MINDY2: variants seen among roughly 807,000 people sequenced by gnomAD.
MINDY2 encodes ubiquitin carboxyl-terminal hydrolase MINDY-2.
In MINDY2, 52 loss-of-function variants were observed where a neutral mutation model predicts 68.2. The observed-to-expected ratio is 0.76, with a 90% CI of 0.61 to 0.96. MINDY2 has a LOEUF of 0.96. MINDY2 is among the 40% of genes least tolerant of loss of function. The pLI is 0.00. For missense variants in MINDY2, 881 were observed against 773.4 expected, an observed-to-expected ratio of 1.14 and a Z score of -1.65; for synonymous variants, 372 against 303.0, an observed-to-expected ratio of 1.23 and a Z score of -2.36.
chr15:58,802,246 T>C, intron 2 of MINDY2, 67 bp from the exon 3 acceptor site: 1 of 1,024,690 alleles, frequency 9.8e-7, no homozygotes, highest in Non-Finnish European at 1.5e-6. Context: ...TTAAGATCTA[T>C]TACTTTTGTA....
At chr15:58,797,654 C>T (rs1468464507) in intron 2 of MINDY2, among the ~76,000 whole-genome samples, 1 of 152,186 alleles carries the variant, frequency 6.6e-6, no homozygotes, top group East Asian at 1.9e-4. Context: ...GCTGCCACTC[C>T]ATAGCTCTTA....
intron 7 of MINDY2, among the ~76,000 whole-genome samples, chr15:58,849,852 T>G (rs2032725760): frequency 6.6e-6 from 1 of 152,046 alleles, no homozygotes; most frequent in Admixed American, 6.5e-5. Flanking sequence ...AGCAAACACC[T>G]CAGCCTCCTG....
rs143359138 is a variant in MINDY2, at chr15:58,787,529, A to C, written c.841-377A>C. 9.4e-3 allele frequency among the ~76,000 whole-genome samples: 1,422 copies of C among 151,998 alleles called. 18 individuals carry two copies. Among genetic ancestry groups the C allele is most frequent in the African/African-American group, 0.033 (1,350 of 41,470 alleles). ...GAGGCAGGTGGATCAGAAGGTTAGGAGATTGAGACCATCCTGGCTAACAGG... is the reference window on the plus strand; with the variant it reads ...GAGGCAGGTGGATCAGAAGGTTAGGCGATTGAGACCATCCTGGCTAACAGG... On this transcript the variant is annotated intron_variant, in intron 1 of 8. Coordinates refer to ENST00000559228, the MANE Select transcript of MINDY2 (RefSeq NM_001040450.3).
chr15:58,811,330 A>T (rs1184652555), intron 4 of MINDY2, among the ~76,000 whole-genome samples: 1 of 152,250 alleles, frequency 6.6e-6, no homozygotes, highest in Non-Finnish European at 1.5e-5. Context: ...ATATTAGTCT[A>T]GCAATCCAGA....
chr15:58,778,855 C>G (rs1900951554), intron 1 of MINDY2, among the ~76,000 whole-genome samples: 1 of 145,654 alleles, frequency 6.9e-6, no homozygotes, highest in Non-Finnish European at 1.5e-5. Context: ...TTTAGTCGCC[C>G]AGGCTGGAGT....
chr15:58,805,561 A>T (rs1337771624), intron 3 of MINDY2, among the ~76,000 whole-genome samples: 1 of 152,222 alleles, frequency 6.6e-6, no homozygotes, highest in African/African-American at 2.4e-5. Context: ...TGACCATGTT[A>T]AAAGTTCATT....
At chr15:58,805,096 C>T (rs1372243118) in intron 3 of MINDY2, among the ~76,000 whole-genome samples, 2 of 152,176 alleles carry the variant, frequency 1.3e-5, no homozygotes, top group African/African-American at 2.4e-5. Flanking sequence ...AATATTGGCT[C>T]AAAGTTGAAA....
chr15:58,825,518 A>C (rs1346080718), intron 5 of MINDY2, among the ~76,000 whole-genome samples: 3 of 152,168 alleles, frequency 2.0e-5, no homozygotes, highest in Non-Finnish European at 4.4e-5. Context: ...CAGCAGCCAG[A>C]CTTCACCATA....
chr15:58,799,523 G>C (rs1902503374), intron 2 of MINDY2, among the ~76,000 whole-genome samples: 1 of 150,642 alleles, frequency 6.6e-6, no homozygotes, highest in African/African-American at 2.4e-5. Flanking sequence ...AGCTTGCAGT[G>C]AGCCGAGATG....
chr15:58,774,839 G>A (rs1237053839), intron 1 of MINDY2, among the ~76,000 whole-genome samples: 3 of 152,200 alleles, frequency 2.0e-5, no homozygotes, highest in Non-Finnish European at 4.4e-5. Context: ...TAAACGAAAT[G>A]GTGGTAATAG....
At position 58,787,926 on chromosome 15, in the gene MINDY2, G is replaced by T; in HGVS notation, c.861G>T (p.Met287Ile). 1 of 1,597,258 alleles carries T rather than the reference G, an allele frequency of 6.3e-7. No homozygotes were observed. The highest frequency in any genetic ancestry group is 8.5e-7 in the Non-Finnish European group (1 of 1,173,222). The change falls in exon 2 of 9, where the codon ATG becomes ATT. Residue 287 changes from methionine to isoleucine, a missense_variant. Physicochemically the swap from Met to Ile is conservative, Grantham distance 10. Coordinates refer to ENST00000559228, the MANE Select transcript of MINDY2 (RefSeq NM_001040450.3). The part of the protein sequence containing the change: ...LAWKVKLPPM[M>I]EIITAEQLME... ...TTCAGGTGAAACTTCCACCGATGAT[G>T]GAAATCATAACTGCTGAGCAGCTGA... is the stretch of plus-strand genomic sequence containing the variant.
At chr15:58,807,442 G>T (rs757475783) in intron 3 of MINDY2, among the ~76,000 whole-genome samples, 3 of 140,034 alleles carry the variant, frequency 2.1e-5, no homozygotes, top group African/African-American at 8.0e-5. Flanking sequence ...TGCAAGCTCC[G>T]CCTCCCGGGT....
chr15:58,790,899 G>T (rs1434742639), intron 2 of MINDY2, among the ~76,000 whole-genome samples: 1 of 152,018 alleles, frequency 6.6e-6, no homozygotes, highest in African/African-American at 2.4e-5. Context: ...GAGCGATCAG[G>T]CTGGGTGTGG....
chr15:58,811,707 A>G (rs2030270434), intron 4 of MINDY2, among the ~76,000 whole-genome samples: 2 of 152,234 alleles, frequency 1.3e-5, no homozygotes, highest in African/African-American at 4.8e-5. Context: ...TTCCTCTAGT[A>G]GCTCCCTTTG....
chr15:58,832,790 T>C (rs1400830954), intron 6 of MINDY2, among the ~76,000 whole-genome samples: 1 of 152,144 alleles, frequency 6.6e-6, no homozygotes, highest in Admixed American at 6.6e-5. Context: ...CCTCCCAAAG[T>C]GCTGGGATTA....
At chr15:58,850,198 T>C (rs1183997189) in intron 7 of MINDY2, among the ~76,000 whole-genome samples, 3 of 152,324 alleles carry the variant, frequency 2.0e-5, no homozygotes, top group African/African-American at 4.8e-5. Context: ...CTGTTTCTGA[T>C]AGAAACTAAT....
chr15:58,835,535 T>A (rs1374933146), intron 6 of MINDY2, among the ~76,000 whole-genome samples: 2 of 152,042 alleles, frequency 1.3e-5, no homozygotes, highest in African/African-American at 4.8e-5. Flanking sequence ...TGCCTGTAAT[T>A]CCAGCTACTT....
intron 2 of MINDY2, among the ~76,000 whole-genome samples, chr15:58,800,802 T>A (rs1395830599): frequency 7.4e-6 from 1 of 134,918 alleles, no homozygotes; most frequent in African/African-American, 2.8e-5. Flanking sequence ...GCCACTGCAC[T>A]CCAGCCTGGG....
In MINDY2 at chr15:58,822,297, A is replaced by G. The variant is rs1413704939; in HGVS notation, c.1225+478A>G. On this transcript the variant is annotated intron_variant, in intron 5 of 8. Coordinates refer to ENST00000559228, the MANE Select transcript of MINDY2 (RefSeq NM_001040450.3). ...GAAGTAATCATTCATAAAGGTGCCA[A>G]TGAAAGGTTTTTCCTAGAACTCTTT... is the stretch of plus-strand genomic sequence containing the variant. 2.6e-5 allele frequency among the ~76,000 whole-genome samples: 4 copies of G among 152,080 alleles called. No homozygotes were observed. In the South Asian group the frequency reaches 6.2e-4, roughly 24 times the overall value.
Sources: allele counts gnomAD v4.1 joint callset (sites outside exome capture counted in the v4.1 genomes callset), GRCh38; gene constraint gnomAD v4.1.1; transcripts MANE v1.5; gene names NCBI Gene and HGNC (gene_info 2026-07-23, HGNC 2026-07-21).